The following SLC4A4 variants were observed in gnomAD, a reference collection of about 807,000 sequenced individuals.
The protein encoded by SLC4A4 is electrogenic sodium bicarbonate cotransporter 1.
In SLC4A4, 27 loss-of-function variants were observed where a neutral mutation model predicts 111.5. The observed-to-expected ratio is 0.24, with a 90% CI of 0.18 to 0.33. The LOEUF is 0.33. SLC4A4 is among the 10% of genes least tolerant of loss of function. SLC4A4 has a pLI of 1.00. For missense variants in SLC4A4, 909 were observed against 1,315.5 expected, an observed-to-expected ratio of 0.69 and a Z score of 4.78; for synonymous variants, 443 against 463.4, an observed-to-expected ratio of 0.96 and a Z score of 0.57.
chr4:71,236,758 C>A (rs1351787312), intron 2 of SLC4A4, 109 bp downstream of exon 2: 2 of 917,552 alleles, frequency 2.2e-6, no homozygotes, highest in Admixed American at 2.0e-5. Context: ...AACACCAAAC[C>A]TTTTCTATAG....
At chr4:71,121,205 C>A (rs77846304) in intron 2 of SLC4A4, among the ~76,000 whole-genome samples, 3,125 of 152,144 alleles carry the variant, frequency 0.021, 115 homozygotes, top group African/African-American at 0.072. Flanking sequence ...CCCAAGCCTC[C>A]CCCGCTTCCC....
chr4:71,271,623 A>G (rs1038147027), intron 3 of SLC4A4, among the ~76,000 whole-genome samples: 7 of 152,208 alleles, frequency 4.6e-5, no homozygotes, highest in African/African-American at 1.7e-4. Context: ...TCTTATTAGA[A>G]AAGGAAAAAC....
intron 2 of SLC4A4, among the ~76,000 whole-genome samples, chr4:71,248,338 T>A (rs1480049679): frequency 6.6e-6 from 1 of 151,860 alleles, no homozygotes; most frequent in Non-Finnish European, 1.5e-5. Flanking sequence ...TATGTTTAAT[T>A]CAGAATGTGC....
chr4:71,536,494 ATT>A (rs1734508022), intron 18 of SLC4A4, among the ~76,000 whole-genome samples: 1 of 124,506 alleles, frequency 8.0e-6, no homozygotes, highest in Non-Finnish European at 1.7e-5. Flanking sequence ...ATATGTATAT[ATT>A]TATTTATTTA....
chr4:71,462,609 A>C (rs562236458), intron 12 of SLC4A4, among the ~76,000 whole-genome samples: 1 of 151,772 alleles, frequency 6.6e-6, no homozygotes, highest in South Asian at 2.1e-4. Flanking sequence ...GAGTTTCTCC[A>C]TGTTGGCCAG....
At chr4:71,320,473 A>G (rs900521738) in intron 3 of SLC4A4, among the ~76,000 whole-genome samples, 4 of 151,930 alleles carry the variant, frequency 2.6e-5, no homozygotes. Flanking sequence ...CATTCTTTAT[A>G]CATTTCTATA....
chr4:71,140,544 C>T (rs1337705347), intron 2 of SLC4A4, among the ~76,000 whole-genome samples: 1 of 152,168 alleles, frequency 6.6e-6, no homozygotes, highest in African/African-American at 2.4e-5. Context: ...GTATTCATCA[C>T]AGGCATCACA....
intron 10 of SLC4A4, 94 bp downstream of exon 10, chr4:71,450,637 T>A: frequency 1.6e-6 from 2 of 1,215,630 alleles, no homozygotes; most frequent in Non-Finnish European, 2.4e-6. Context: ...CCTGTTGTTC[T>A]AATATTTTCA....
chr4:71,449,080 G>C (rs761972167), intron 9 of SLC4A4, among the ~76,000 whole-genome samples: 1 of 152,220 alleles, frequency 6.6e-6, no homozygotes, highest in South Asian at 2.1e-4. Context: ...TTATTTGGAA[G>C]TTTGGAGGTA....
intron 3 of SLC4A4, among the ~76,000 whole-genome samples, chr4:71,306,615 T>C (rs985321406): frequency 6.6e-6 from 1 of 152,110 alleles, no homozygotes; most frequent in African/African-American, 2.4e-5. Context: ...CTAGCATTAT[T>C]AAATGGAAAA....
intron 7 of SLC4A4, among the ~76,000 whole-genome samples, chr4:71,424,688 G>T (rs1331746953): frequency 6.6e-6 from 1 of 152,158 alleles, no homozygotes; most frequent in Non-Finnish European, 1.5e-5. Context: ...CATATCCGTT[G>T]TAGGGACATG....
chr4:71,282,105 G>C (rs1233120744), intron 3 of SLC4A4, among the ~76,000 whole-genome samples: 1 of 151,990 alleles, frequency 6.6e-6, no homozygotes, highest in Non-Finnish European at 1.5e-5. Flanking sequence ...AGTTTGGCTT[G>C]AGATTTGAGC....
At chr4:71,499,071 A>G (rs1422413954) in intron 16 of SLC4A4, among the ~76,000 whole-genome samples, 3 of 94,988 alleles carry the variant, frequency 3.2e-5, no homozygotes, top group African/African-American at 8.2e-5. Context: ...GTCTTTGAGG[A>G]CAATTTTTTT....
At chr4:71,555,979 A>G (rs918111586) in intron 21 of SLC4A4, among the ~76,000 whole-genome samples, 1 of 151,966 alleles carries the variant, frequency 6.6e-6, no homozygotes, top group African/African-American at 2.4e-5. Context: ...GTTTTCTGGC[A>G]CCTTGTTAAC....
chr4:71,114,553 G>A (rs1428014431), intron 2 of SLC4A4, among the ~76,000 whole-genome samples: 1 of 150,536 alleles, frequency 6.6e-6, no homozygotes, highest in Non-Finnish European at 1.5e-5. Flanking sequence ...CTCAAAAGAA[G>A]ACATTTATGC....
chr4:71,306,456 A>T (rs960141091), intron 3 of SLC4A4, among the ~76,000 whole-genome samples: 1 of 151,864 alleles, frequency 6.6e-6, no homozygotes, highest in African/African-American at 2.4e-5. Flanking sequence ...TGGTGCTTGC[A>T]CCTGTAGTCC....
intron 6 of SLC4A4, among the ~76,000 whole-genome samples, chr4:71,393,950 G>A (rs1191122130): frequency 2.0e-5 from 3 of 152,040 alleles, no homozygotes; most frequent in Non-Finnish European, 4.4e-5. Context: ...TGAGATAATC[G>A]GCTAGCCACA....
intron 2 of SLC4A4, among the ~76,000 whole-genome samples, chr4:71,143,516 A>G (rs571496909): frequency 6.6e-6 from 1 of 152,328 alleles, no homozygotes. Context: ...TCCCTGAGGA[A>G]TCACCACACC....
At chr4:71,387,781 C>T (rs1174076394) in intron 6 of SLC4A4, among the ~76,000 whole-genome samples, 2 of 152,312 alleles carry the variant, frequency 1.3e-5, no homozygotes, top group Middle Eastern at 6.8e-3. Context: ...GTGTGAGCCA[C>T]CGTGCCTGGC....
Sources: gnomAD v4.1 joint callset for allele counts (sites outside exome capture counted in the v4.1 genomes callset) on GRCh38, gnomAD v4.1.1 for gene constraint, MANE v1.5 for transcripts, NCBI Gene and HGNC (gene_info 2026-07-23, HGNC 2026-07-21) for gene names.